Variants in SNX24 observed in about 807,000 individuals in gnomAD.
SNX24 encodes sorting nexin 24, also known as sorting nexin-24.
Under a neutral mutation model 28.7 loss-of-function variants are expected in SNX24, and 22 were observed. That is an observed-to-expected ratio of 0.77 (90% CI 0.55 to 1.10). SNX24 has a LOEUF of 1.10. SNX24 is among the 50% of genes least tolerant of loss of function. The pLI is 0.00. For missense variants in SNX24, 221 were observed against 201.1 expected (o/e 1.10, Z -0.60); for synonymous variants, 69 against 71.5 (o/e 0.96, Z 0.18).
At chr5:122,919,865 C>G (rs948023413) in intron 1 of SNX24, among the ~76,000 whole-genome samples, 1 of 152,136 alleles carries the variant, frequency 6.6e-6, no homozygotes, top group Non-Finnish European at 1.5e-5. Context: ...TGTGGAGGCA[C>G]AGGGTTATAA....
intron 3 of SNX24, among the ~76,000 whole-genome samples, chr5:122,969,714 C>T (rs1054411175): frequency 6.6e-6 from 1 of 152,162 alleles, no homozygotes; most frequent in Non-Finnish European, 1.5e-5. Context: ...GAACTCTGAT[C>T]ATCTGTTTCT....
intron 1 of SNX24, among the ~76,000 whole-genome samples, chr5:122,905,741 T>C (rs1239203333): frequency 6.6e-6 from 1 of 152,180 alleles, no homozygotes; most frequent in Non-Finnish European, 1.5e-5. Flanking sequence ...AACTCAGATA[T>C]AACTTCCATC....
intron 2 of SNX24, among the ~76,000 whole-genome samples, chr5:122,942,990 A>G (rs1006114250): frequency 1.3e-5 from 2 of 152,168 alleles, no homozygotes; most frequent in African/African-American, 4.8e-5. Context: ...TTGATTTTCT[A>G]TTCTGAAATA....
chr5:122,944,898 T>G (rs991795408), intron 2 of SNX24, among the ~76,000 whole-genome samples: 1 of 152,194 alleles, frequency 6.6e-6, no homozygotes, highest in African/African-American at 2.4e-5. Context: ...CGTTGGTAGG[T>G]TTTTTTCAAG....
intron 1 of SNX24, among the ~76,000 whole-genome samples, chr5:122,928,032 A>G (rs1561609686): frequency 6.6e-6 from 1 of 152,094 alleles, no homozygotes; most frequent in Admixed American, 6.5e-5. Flanking sequence ...ATGTACTTTT[A>G]CATAACATTT....
chr5:122,943,916 C>G (rs1396286392), intron 2 of SNX24, among the ~76,000 whole-genome samples: 1 of 152,118 alleles, frequency 6.6e-6, no homozygotes, highest in Non-Finnish European at 1.5e-5. Context: ...CTCTAATTAC[C>G]TATATATTCT....
intron 1 of SNX24, among the ~76,000 whole-genome samples, chr5:122,885,090 G>A (rs71594311): frequency 0.026 from 3,987 of 152,258 alleles, 69 homozygotes; most frequent in Non-Finnish European, 0.037. Flanking sequence ...AGAGTCAGAG[G>A]GCTGGCCTTG....
At chr5:122,863,555 C>T (rs1449007670) in intron 1 of SNX24, among the ~76,000 whole-genome samples, 2 of 149,986 alleles carry the variant, frequency 1.3e-5, no homozygotes, top group South Asian at 2.1e-4. Context: ...TGGGAGGAGA[C>T]AAGGTCTTAC....
intron 3 of SNX24, among the ~76,000 whole-genome samples, chr5:122,965,155 C>G (rs1760666124): frequency 6.6e-6 from 1 of 152,208 alleles, no homozygotes; most frequent in South Asian, 2.1e-4. Flanking sequence ...CTAATTCTTT[C>G]CAATTACTTA....
At chr5:122,874,295 C>T (rs996891386) in intron 1 of SNX24, among the ~76,000 whole-genome samples, 3 of 152,200 alleles carry the variant, frequency 2.0e-5, no homozygotes, top group Admixed American at 2.0e-4. Context: ...ATGTGAAATG[C>T]CTACCTCAGA....
chr5:122,996,313 C>A (rs1762051104), intron 3 of SNX24, among the ~76,000 whole-genome samples: 1 of 152,158 alleles, frequency 6.6e-6, no homozygotes, highest in African/African-American at 2.4e-5. Flanking sequence ...AGGCTCCAGG[C>A]CAAAGAAAAG....
chr5:122,937,941 T>C, intron 2 of SNX24, among the ~76,000 whole-genome samples: 1 of 152,154 alleles, frequency 6.6e-6, no homozygotes, highest in East Asian at 1.9e-4. Context: ...TGAGGTTTCT[T>C]CTGGGTACCT....
Position 123,020,868 on chromosome 5 carries a change from C to CCAAT in SNX24, n.384-8367_384-8364dup, listed in dbSNP as rs568348834. On this transcript the variant is annotated intron_variant and non_coding_transcript_variant, in intron 5 of 5. Transcript: ENST00000502387. The stretch of plus-strand genomic sequence containing the variant: ...CTTTCAGAAAGATGGCAGCTCTTTC[C>CCAAT]CAATCATTCTGGAAGTCCAATGATG... Among the ~76,000 whole-genome samples the CCAAT allele has an allele frequency of 2.6e-5, 4 of 152,304 alleles. No individual in the cohort carries two copies. The South Asian group carries it at 8.3e-4, about 32-fold the overall frequency.
intron 3 of SNX24, among the ~76,000 whole-genome samples, chr5:122,965,891 A>G (rs977161529): frequency 2.0e-5 from 3 of 152,236 alleles, no homozygotes; most frequent in African/African-American, 4.8e-5. Flanking sequence ...TAAATAAGCT[A>G]TCAAAGAGTG....
At chr5:122,951,558 TA>T (rs2150129807) in intron 3 of SNX24, among the ~76,000 whole-genome samples, 1 of 152,320 alleles carries the variant, frequency 6.6e-6, no homozygotes, top group Admixed American at 6.5e-5. Flanking sequence ...ACACAGTTTA[TA>T]TGATAGTTTT....
At chr5:122,965,834 G>T (rs1027358980) in intron 3 of SNX24, among the ~76,000 whole-genome samples, 7 of 152,170 alleles carry the variant, frequency 4.6e-5, no homozygotes, top group Non-Finnish European at 1.0e-4. Context: ...TCCAATTAAA[G>T]AACCTGTTTC....
intron 6 of SNX24, 75 bp from the exon 7 acceptor site, chr5:123,007,607 A>C: frequency 7.7e-7 from 1 of 1,303,912 alleles, no homozygotes; most frequent in Non-Finnish European, 1.1e-6. Flanking sequence ...CATTCTACAG[A>C]ATGCAATTAT....
chr5:122,876,843 G>A (rs1271095212), intron 1 of SNX24, among the ~76,000 whole-genome samples: 1 of 152,118 alleles, frequency 6.6e-6, no homozygotes, highest in African/African-American at 2.4e-5. Context: ...ATAAGTGTGT[G>A]GAAAGGACAG....
intron 3 of SNX24, among the ~76,000 whole-genome samples, chr5:122,991,037 C>T (rs1210518676): frequency 6.6e-6 from 1 of 152,074 alleles, no homozygotes; most frequent in African/African-American, 2.4e-5. Context: ...GCTAGGATTA[C>T]AGGTGCCCAC....
Sources: gnomAD v4.1 joint callset for allele counts (sites outside exome capture counted in the v4.1 genomes callset) on GRCh38, gnomAD v4.1.1 for gene constraint, MANE v1.5 for transcripts, NCBI Gene and HGNC (gene_info 2026-07-23, HGNC 2026-07-21) for gene names.